The following CHAF1B variants were observed in gnomAD, a reference collection of about 807,000 sequenced individuals.
CHAF1B encodes chromatin assembly factor 1 subunit B.
A neutral mutation model predicts 60.7 loss-of-function variants in CHAF1B; 10 were observed. The ratio of observed to expected loss-of-function variants is 0.16; its 90% CI spans 0.10 to 0.28. The LOEUF (loss-of-function observed/expected upper bound fraction) is 0.28. Ranked by LOEUF, CHAF1B falls within the 10% of genes least tolerant of loss-of-function variation. The pLI, the probability that CHAF1B is intolerant of heterozygous loss-of-function variation, is 1.00. For synonymous variants in CHAF1B, 261 were observed against 266.1 expected (o/e 0.98, Z 0.19); for missense variants, 558 against 708.4 (o/e 0.79, Z 2.41).
intron 11 of CHAF1B, among the ~76,000 whole-genome samples, chr21:36,412,342 C>G (rs73385709): frequency 0.013 from 1,980 of 152,144 alleles, 40 homozygotes; most frequent in African/African-American, 0.046. Context: ...CAATTCAGCC[C>G]CCGTGGCCTG....
In CHAF1B at chr21:36,402,619, A is replaced by G. The variant is rs113382620; in HGVS notation, c.664-139A>G. On this transcript the variant is annotated intron_variant, in intron 7 of 13. Transcript: ENST00000314103. Reference sequence around the variant, plus strand: ...TATGATTATGTCAACAATAAATGACACTATGTAAAGAAAACCATAGGCACA... The same window carrying G: ...TATGATTATGTCAACAATAAATGACGCTATGTAAAGAAAACCATAGGCACA... The G allele has an allele frequency of 2.1e-3, 1,376 of 660,392 alleles. 19 individuals are homozygous for G. The African/African-American group carries it at 0.021, about 10-fold the overall frequency. 40.9% of individuals were successfully genotyped at this position (660,392 alleles called of 1,614,324 possible). A position where few individuals can be genotyped will look rare whatever the true frequency, so the allele number is the denominator to read the frequency against.
At chr21:36,385,526 G>A (rs1601553161) in intron 1 of CHAF1B, 75 bp downstream of exon 1, 1 of 151,890 alleles carries the variant, frequency 6.6e-6, no homozygotes, top group Admixed American at 6.6e-5. Flanking sequence ...CCTCGCCGAG[G>A]GCGGGCCCCT....
At chr21:36,410,756 G>T (rs2086272045) in intron 10 of CHAF1B, among the ~76,000 whole-genome samples, 1 of 151,372 alleles carries the variant, frequency 6.6e-6, no homozygotes, top group South Asian at 2.1e-4. Flanking sequence ...CGTCTCCCAG[G>T]TTCAAGTGAA....
intron 2 of CHAF1B, among the ~76,000 whole-genome samples, chr21:36,386,721 T>TC (rs923532398): frequency 2.6e-5 from 4 of 151,998 alleles, no homozygotes; most frequent in Non-Finnish European, 1.5e-5. Context: ...TGCTTTCTTT[T>TC]TTTTTTTTTT....
chr21:36,399,339 A>G (rs2086168009), intron 6 of CHAF1B, among the ~76,000 whole-genome samples, 182 bp from the exon 7 acceptor site: 1 of 152,138 alleles, frequency 6.6e-6, no homozygotes, highest in South Asian at 2.1e-4. Flanking sequence ...CCCGGCCTGT[A>G]ATATCCTTTA....
chr21:36,415,504 T>A, intron 13 of CHAF1B, 115 bp downstream of exon 13: 1 of 760,368 alleles, frequency 1.3e-6, no homozygotes, highest in Non-Finnish European at 2.2e-6. Context: ...CAGGGATGCA[T>A]CTTATTGGAA....
intron 6 of CHAF1B, 78 bp from the exon 7 acceptor site, chr21:36,399,443 C>A: frequency 1.6e-6 from 2 of 1,217,658 alleles, no homozygotes; most frequent in Non-Finnish European, 2.4e-6. Context: ...TGGTAATAGG[C>A]TGTTGGTAAT....
intron 9 of CHAF1B, 71 bp downstream of exon 9, chr21:36,408,901 C>A: frequency 6.3e-6 from 7 of 1,108,864 alleles, no homozygotes; most frequent in Non-Finnish European, 9.6e-6. Context: ...GTTGCCCAGG[C>A]TGGAGTGCAA....
intron 11 of CHAF1B, among the ~76,000 whole-genome samples, chr21:36,412,455 G>A (rs781645283): frequency 1.5e-4 from 23 of 152,176 alleles, no homozygotes; most frequent in Admixed American, 3.9e-4. Context: ...CGCCTCCTGG[G>A]TTCAAGCAAT....
Position 36,402,826 on chromosome 21 carries a change from C to G in CHAF1B, c.732C>G (p.Pro244=). 6.2e-7 allele frequency: 1 copy of G among 1,613,954 alleles called. No individual in the cohort carries two copies. The highest frequency in any genetic ancestry group is 8.5e-7 in the Non-Finnish European group (1 of 1,179,916). ...TCTTCCGTAGACTGAGTTTCACTCC[C>G]GACGGATCTTTGCTTCTCACGCCAG... ...KSFFRRLSFT[P]DGSLLLTPAG... Residue 244 remains proline, a synonymous_variant, in exon 8 of 14, where the codon CCC becomes CCG. Transcript: ENST00000314103.
chr21:36,387,761 GGGAACCAGATAGATACCTGTGT>G, intron 3 of CHAF1B, 31 bp downstream of exon 3: 1 of 1,613,044 alleles, frequency 6.2e-7, no homozygotes, highest in South Asian at 1.1e-5. Context: ...GAGATTCTTC[GGGAACCAGATAGATACCTGTGT>G]GTCTTGTGTC....
chr21:36,418,214 A>G lies in CHAF1B; in HGVS notation c.*1848A>G, dbSNP rs1050705020. The stretch of plus-strand genomic sequence containing the variant: ...TTTTTAGTAGAGATGGTGTTTCACC[A>G]TGTTGGTCAGGCTGGTCTCCAACGC... On this transcript the variant is annotated 3_prime_UTR_variant, in exon 14 of 14. Transcript: ENST00000314103. 1.3e-5 allele frequency: 2 copies of G among 151,700 alleles called. No individual in the cohort carries two copies. The highest frequency in any genetic ancestry group is 1.3e-4 in the Admixed American group (2 of 15,222). 9.4% of individuals were successfully genotyped at this position (151,700 alleles called of 1,614,324 possible).
Position 36,417,968 on chromosome 21 carries a change from C to G in CHAF1B, c.*1602C>G, listed in dbSNP as rs2086331174. 6.6e-6 allele frequency: 1 copy of G among 152,058 alleles called. No individual in the cohort carries two copies. Among genetic ancestry groups the G allele is most frequent in the South Asian group, 2.1e-4 (1 of 4,832 alleles). 9.4% of individuals were successfully genotyped at this position (152,058 alleles called of 1,614,324 possible). A position where few individuals can be genotyped will look rare whatever the true frequency, so the allele number is the denominator to read the frequency against. On this transcript the variant is annotated 3_prime_UTR_variant, in exon 14 of 14. Transcript: ENST00000314103. ...AGATTGAGAAATCTAAGGGAAAAAA[C>G]TTTCCCTGGATACGGTCTGTTCTGG...
intron 6 of CHAF1B, chr21:36,398,070 T>TGA (rs1285103172): frequency 1.3e-5 from 2 of 150,856 alleles, no homozygotes; most frequent in African/African-American, 2.5e-5. Flanking sequence ...TTTTTTTTTT[T>TGA]GAGAGAGGGG....
At chr21:36,386,663 A>G (rs1179349185) in intron 2 of CHAF1B, among the ~76,000 whole-genome samples, 1 of 152,150 alleles carries the variant, frequency 6.6e-6, no homozygotes, top group African/African-American at 2.4e-5. Flanking sequence ...CTAGCCCAGA[A>G]TGCTAAATTT....
At position 36,416,399 on chromosome 21, in the gene CHAF1B, G is replaced by A; in HGVS notation, c.*33G>A. On this transcript the variant is annotated 3_prime_UTR_variant, in exon 14 of 14. Transcript: ENST00000314103. Reference sequence around the variant, plus strand: ...TCGGCTTCTGCTCGAAGCCTACCAGGCTCCCGGTGTGTGCAGGGAGACGGT... The same window carrying A: ...TCGGCTTCTGCTCGAAGCCTACCAGACTCCCGGTGTGTGCAGGGAGACGGT... The A allele has an allele frequency of 6.3e-7, 1 of 1,583,992 alleles. No individual in the cohort carries two copies. The highest frequency in any genetic ancestry group is 1.1e-5 in the South Asian group (1 of 89,308).
intron 2 of CHAF1B, 101 bp downstream of exon 2, chr21:36,386,363 C>T (rs909656935): frequency 2.1e-6 from 3 of 1,438,714 alleles, no homozygotes; most frequent in Non-Finnish European, 2.8e-6. Flanking sequence ...TGGCTTACGC[C>T]TGTAATCCCA....
At chr21:36,391,345 A>G (rs993106727) in intron 3 of CHAF1B, among the ~76,000 whole-genome samples, 17 of 151,280 alleles carry the variant, frequency 1.1e-4, no homozygotes, top group African/African-American at 4.1e-4. Context: ...CATGCAGCTA[A>G]TTTTTTTGTA....
intron 6 of CHAF1B, 32 bp from the exon 7 acceptor site, chr21:36,399,489 G>C (rs528675863): frequency 6.4e-7 from 1 of 1,558,532 alleles, no homozygotes; most frequent in East Asian, 2.2e-5. Flanking sequence ...TCATTTACTA[G>C]AAGTGGTAAA....
Sources: gnomAD v4.1 joint callset for allele counts (sites outside exome capture counted in the v4.1 genomes callset) on GRCh38, gnomAD v4.1.1 for gene constraint, MANE v1.5 for transcripts, NCBI Gene and HGNC (gene_info 2026-07-23, HGNC 2026-07-21) for gene names.